The following LMNTD1 variants were observed in gnomAD, a reference collection of about 807,000 sequenced individuals.
LMNTD1 encodes lamin tail domain-containing protein 1.
In LMNTD1, 35 loss-of-function variants were observed where a neutral mutation model predicts 50.9. The ratio of observed to expected loss-of-function variants is 0.69; its 90% CI spans 0.53 to 0.91. LMNTD1 has a LOEUF of 0.91. Among genes scored for constraint, LMNTD1 ranks in the 40% least tolerant of loss-of-function variants. The pLI is 0.00. For missense variants in LMNTD1, 470 were observed against 475.5 expected (o/e 0.99, Z 0.11); for synonymous variants, 153 against 161.9 (o/e 0.94, Z 0.42).
chr12:25,586,883 C>T (rs540287596), intron 1 of LMNTD1, among the ~76,000 whole-genome samples: 1 of 152,258 alleles, frequency 6.6e-6, no homozygotes, highest in South Asian at 2.1e-4. Flanking sequence ...AAAACACAAA[C>T]TCCTTGACAA....
At chr12:25,492,731 C>T (rs1305043130) in intron 9 of LMNTD1, among the ~76,000 whole-genome samples, 1 of 152,080 alleles carries the variant, frequency 6.6e-6, no homozygotes, top group Non-Finnish European at 1.5e-5. Flanking sequence ...AAAATAACCG[C>T]TATTTTATAG....
chr12:25,547,171 C>T, intron 3 of LMNTD1: 2 of 929,156 alleles, frequency 2.2e-6, no homozygotes, highest in Non-Finnish European at 2.6e-6. Context: ...TAATTTTAAG[C>T]ATAAAGAGCC....
intron 4 of LMNTD1, among the ~76,000 whole-genome samples, chr12:25,534,747 C>G (rs1285918717): frequency 3.9e-5 from 6 of 152,160 alleles, no homozygotes; most frequent in Non-Finnish European, 8.8e-5. Context: ...ACTGAAAAAG[C>G]TCATAATTAA....
intron 1 of LMNTD1, among the ~76,000 whole-genome samples, chr12:25,632,958 A>C (rs1343652536): frequency 6.6e-6 from 1 of 152,138 alleles, no homozygotes; most frequent in Non-Finnish European, 1.5e-5. Flanking sequence ...CATAAACTTA[A>C]AGTAAAAGGG....
chr12:25,603,813 G>A (rs1946034526), intron 1 of LMNTD1, among the ~76,000 whole-genome samples: 1 of 151,952 alleles, frequency 6.6e-6, no homozygotes, highest in Admixed American at 6.6e-5. Flanking sequence ...TATCTGAAGT[G>A]GGGAGAAGGG....
At chr12:25,519,231 G>T (rs1296486023) in intron 7 of LMNTD1, among the ~76,000 whole-genome samples, 1 of 152,138 alleles carries the variant, frequency 6.6e-6, no homozygotes, top group Admixed American at 6.5e-5. Context: ...CACTGCTAAA[G>T]ACTTGGGGAT....
intron 1 of LMNTD1, among the ~76,000 whole-genome samples, chr12:25,636,801 G>C (rs1046783624): frequency 6.6e-6 from 1 of 152,124 alleles, no homozygotes; most frequent in Non-Finnish European, 1.5e-5. Context: ...ATACTACTAA[G>C]CCATAAAAAG....
intron 1 of LMNTD1, among the ~76,000 whole-genome samples, chr12:25,593,528 G>A (rs1945762372): frequency 6.6e-6 from 1 of 151,938 alleles, no homozygotes; most frequent in South Asian, 2.1e-4. Context: ...TATATTAAGG[G>A]ACCATCCCAT....
At chr12:25,489,653 CT>C (rs1296576926) in intron 9 of LMNTD1, among the ~76,000 whole-genome samples, 1 of 152,056 alleles carries the variant, frequency 6.6e-6, no homozygotes. Flanking sequence ...GGCTCCTCCC[CT>C]CTCAGTCCCC....
At chr12:25,585,470 A>T (rs1268184354) in intron 1 of LMNTD1, among the ~76,000 whole-genome samples, 1 of 152,228 alleles carries the variant, frequency 6.6e-6, no homozygotes, top group Non-Finnish European at 1.5e-5. Context: ...TAACCAACCA[A>T]AAGGAAAAAA....
At chr12:25,622,463 G>GCTCCCCCCC (rs1555124240) in intron 1 of LMNTD1, among the ~76,000 whole-genome samples, 1 of 111,154 alleles carries the variant, frequency 9.0e-6, no homozygotes, top group African/African-American at 3.0e-5. Flanking sequence ...GAGTTTGTGA[G>GCTCCCCCCC]CCCGCCCCCC....
Position 25,648,403 on chromosome 12 carries a change from T to C in LMNTD1, c.58+91A>G. 6 of 1,042,852 alleles carry C rather than the reference T, an allele frequency of 5.8e-6. No homozygotes were observed. The South Asian group carries it at 8.2e-5, about 14-fold the overall frequency. 64.6% of individuals were successfully genotyped at this position (1,042,852 alleles called of 1,614,324 possible). Reference sequence around the variant, plus strand: ...CTCAGTGATGACAGATATGACCACTTTCTAAAGTGTCAGGTGTTAGTATAA... The same window carrying C: ...CTCAGTGATGACAGATATGACCACTCTCTAAAGTGTCAGGTGTTAGTATAA... On this transcript the variant is annotated intron_variant, in intron 1 of 7. Transcript: ENST00000445693.
At chr12:25,535,252 T>C (rs1565985252) in intron 4 of LMNTD1, among the ~76,000 whole-genome samples, 2 of 151,544 alleles carry the variant, frequency 1.3e-5, no homozygotes, top group Admixed American at 6.6e-5. Context: ...ATATACACCA[T>C]CCAAAAAGAA....
intron 1 of LMNTD1, among the ~76,000 whole-genome samples, chr12:25,625,244 TTCATCCTTGGTTTCATCCTGCC>T (rs1437328086): frequency 1.3e-5 from 2 of 152,154 alleles, no homozygotes; most frequent in Non-Finnish European, 2.9e-5. Context: ...ACCAATAGCT[TTCATCCTTGGTTTCATCCTGCC>T]TCATCCTTGG....
intron 1 of LMNTD1, among the ~76,000 whole-genome samples, chr12:25,600,796 T>C (rs1268031798): frequency 6.6e-6 from 1 of 151,752 alleles, no homozygotes; most frequent in Non-Finnish European, 1.5e-5. Context: ...AGACAGGCAA[T>C]AAGAAATGCT....
intron 1 of LMNTD1, among the ~76,000 whole-genome samples, chr12:25,617,083 CAGAG>C (rs1946366800): frequency 6.6e-6 from 1 of 152,170 alleles, no homozygotes; most frequent in Admixed American, 6.5e-5. Context: ...AATGGAGACT[CAGAG>C]AGGTAAAATA....
At chr12:25,614,507 C>T (rs1592106069) in intron 1 of LMNTD1, among the ~76,000 whole-genome samples, 2 of 152,268 alleles carry the variant, frequency 1.3e-5, no homozygotes, top group South Asian at 4.2e-4. Context: ...GTTTAATCTA[C>T]CCTCCAAGAT....
chr12:25,513,758 A>G (rs114938426), intron 8 of LMNTD1, among the ~76,000 whole-genome samples: 202 of 148,744 alleles, frequency 1.4e-3, no homozygotes, highest in African/African-American at 4.9e-3. Flanking sequence ...CTCTTCTTTA[A>G]AAAAGTGAAA....
chr12:25,561,079 T>C (rs138822805), intron 1 of LMNTD1, among the ~76,000 whole-genome samples: 1,693 of 151,926 alleles, frequency 0.011, 39 homozygotes, highest in African/African-American at 0.039. Flanking sequence ...TTTGTTGATC[T>C]TTTCAAAACA....
Sources: allele counts gnomAD v4.1 joint callset (sites outside exome capture counted in the v4.1 genomes callset), GRCh38; gene constraint gnomAD v4.1.1; transcripts MANE v1.5; gene names NCBI Gene and HGNC (gene_info 2026-07-23, HGNC 2026-07-21).